The following BICC1 variants were observed in gnomAD, a reference collection of about 807,000 sequenced individuals.
The protein encoded by BICC1 is BicC family RNA binding protein 1, also known as protein bicaudal C homolog 1.
Under a neutral mutation model 111.0 loss-of-function variants are expected in BICC1, and 43 were observed. That is an observed-to-expected ratio of 0.39 (90% CI 0.30 to 0.50). The LOEUF is 0.50. Ranked by LOEUF, BICC1 falls within the 20% of genes least tolerant of loss-of-function variation. BICC1 has a pLI of 0.88. For missense variants in BICC1, 1,091 were observed against 1,203.2 expected (o/e 0.91, Z 1.38); for synonymous variants, 467 against 434.4 (o/e 1.07, Z -0.93).
intron 2 of BICC1, among the ~76,000 whole-genome samples, chr10:58,642,406 CTT>C (rs1037991204): frequency 6.6e-6 from 1 of 152,044 alleles, no homozygotes; most frequent in Non-Finnish European, 1.5e-5. Context: ...GGAAGAGTGA[CTT>C]TGGTTGGTTA....
chr10:58,775,289 A>G (rs1370376313), intron 3 of BICC1, among the ~76,000 whole-genome samples: 2 of 152,002 alleles, frequency 1.3e-5, no homozygotes, highest in Non-Finnish European at 2.9e-5. Context: ...CAGGAGATTC[A>G]CTTGAATCTG....
rs764890061 is a variant in BICC1 at position 58,702,068 on chromosome 10, T to C, written c.238-6T>C. On this transcript the variant is annotated splice_region_variant and splice_polypyrimidine_tract_variant and intron_variant, in intron 2 of 20. Transcript: ENST00000373886. ...GAGTCAATATTTCTCTCAATTTTTG[T>C]TACAGATCATGGAGGAAACAAATAC... The C allele has an allele frequency of 6.2e-7, 1 of 1,607,222 alleles. No individual in the cohort carries two copies. The highest frequency in any genetic ancestry group is 2.2e-5 in the East Asian group (1 of 44,658).
chr10:58,628,904 C>G (rs1837710110), intron 2 of BICC1, among the ~76,000 whole-genome samples: 1 of 152,128 alleles, frequency 6.6e-6, no homozygotes, highest in Non-Finnish European at 1.5e-5. Context: ...GTAAAGGCCT[C>G]CATAGATGTC....
At chr10:58,564,932 A>G (rs1843711281) in intron 1 of BICC1, among the ~76,000 whole-genome samples, 1 of 152,200 alleles carries the variant, frequency 6.6e-6, no homozygotes, top group African/African-American at 2.4e-5. Context: ...GGAATAGGAA[A>G]GAAGGAATTA....
At position 58,829,008 on chromosome 10, in the gene BICC1, G is replaced by T. The variant is rs1307132640; in HGVS notation, c.*117G>T. The T allele has an allele frequency of 1.6e-5, 20 of 1,277,846 alleles. No homozygotes were observed. The highest frequency in any genetic ancestry group is 2.2e-5 in the Non-Finnish European group (20 of 928,086). The allele number at this position is 1,277,846 out of a possible 1,614,324, so 79.2% of individuals were successfully genotyped here. On this transcript the variant is annotated 3_prime_UTR_variant, in exon 21 of 21. Coordinates refer to ENST00000373886, the MANE Select transcript of BICC1 (RefSeq NM_001080512.3). ...CTGGGTGTCTGGTATCAGGACCAAA[G>T]CATTTTATTCGCACCTGTACTTTAT...
intron 3 of BICC1, among the ~76,000 whole-genome samples, chr10:58,782,019 C>G (rs1173676109): frequency 6.6e-6 from 1 of 152,186 alleles, no homozygotes; most frequent in Non-Finnish European, 1.5e-5. Context: ...GTGACTGTCT[C>G]TGCATGCATG....
intron 3 of BICC1, among the ~76,000 whole-genome samples, chr10:58,731,208 T>A (rs1238097539): frequency 1.3e-5 from 2 of 152,158 alleles, no homozygotes; most frequent in Non-Finnish European, 2.9e-5. Flanking sequence ...CCAGGCAAGC[T>A]TTTTGCTAAA....
chr10:58,613,419 CAG>C (rs1845498921), intron 1 of BICC1, among the ~76,000 whole-genome samples: 1 of 152,164 alleles, frequency 6.6e-6, no homozygotes, highest in African/African-American at 2.4e-5. Flanking sequence ...TATTTTACCA[CAG>C]AGTGTAATCA....
At chr10:58,639,015 A>G (rs1412627206) in intron 2 of BICC1, among the ~76,000 whole-genome samples, 1 of 150,568 alleles carries the variant, frequency 6.6e-6, no homozygotes, top group African/African-American at 2.4e-5. Context: ...GTATATATGT[A>G]CATTGTGGAA....
intron 1 of BICC1, among the ~76,000 whole-genome samples, chr10:58,615,065 A>T (rs1845555248): frequency 6.6e-6 from 1 of 151,942 alleles, no homozygotes; most frequent in Non-Finnish European, 1.5e-5. Context: ...ACAGCCAAGA[A>T]TTGGCTAAGT....
chr10:58,569,752 CG>C (rs1227800707), intron 1 of BICC1, among the ~76,000 whole-genome samples: 1 of 152,096 alleles, frequency 6.6e-6, no homozygotes, highest in Non-Finnish European at 1.5e-5. Flanking sequence ...TAGTATTCCA[CG>C]GTGTATATGT....
intron 1 of BICC1, among the ~76,000 whole-genome samples, chr10:58,601,141 T>A (rs893369): frequency 0.35 from 6,751 of 19,188 alleles, 605 homozygotes; most frequent in Admixed American, 0.41. Context: ...TTTTAAAACT[T>A]ATATATATAT....
intron 6 of BICC1, 48 bp from the exon 7 acceptor site, chr10:58,789,214 G>A (rs773688268): frequency 1.3e-5 from 19 of 1,492,162 alleles, no homozygotes; most frequent in Non-Finnish European, 1.7e-5. Flanking sequence ...ATGTCTGAAT[G>A]TCTAATGCTT....
intron 20 of BICC1, among the ~76,000 whole-genome samples, chr10:58,824,470 G>A (rs1040652480): frequency 3.9e-5 from 6 of 152,248 alleles, no homozygotes; most frequent in African/African-American, 7.2e-5. Context: ...AGGGGCAGGC[G>A]TTTACATTTT....
chr10:58,719,393 C>T (rs1301884420), intron 3 of BICC1, among the ~76,000 whole-genome samples: 3 of 152,232 alleles, frequency 2.0e-5, no homozygotes, highest in Non-Finnish European at 4.4e-5. Context: ...CATCCTCACA[C>T]ATCCATCCCA....
At chr10:58,776,288 G>T (rs564039167) in intron 3 of BICC1, among the ~76,000 whole-genome samples, 1 of 152,172 alleles carries the variant, frequency 6.6e-6, no homozygotes, top group African/African-American at 2.4e-5. Context: ...TGTGTGTTAA[G>T]ATTTTTCACG....
At chr10:58,619,914 A>G (rs539292406) in intron 1 of BICC1, among the ~76,000 whole-genome samples, 68 of 152,310 alleles carry the variant, frequency 4.5e-4, no homozygotes, top group African/African-American at 1.6e-3. Context: ...GGCTGTGCTG[A>G]GGTATTACCT....
rs143284503 is a variant in BICC1, at chr10:58,775,531, G to A, written c.308-9470G>A. On this transcript the variant is annotated intron_variant, in intron 3 of 20. Transcript: ENST00000373886. ...TTATTCTTAAGAAAAATAAAGGATT[G>A]TTTTGAAGTTATTTGACAATTAAAA... Among the ~76,000 whole-genome samples, 748 of 152,242 alleles carry A rather than the reference G, an allele frequency of 4.9e-3. 13 individuals are homozygous for A. Among genetic ancestry groups the A allele is most frequent in the African/African-American group, 0.017 (704 of 41,550 alleles).
intron 1 of BICC1, among the ~76,000 whole-genome samples, chr10:58,571,525 G>A (rs1843952642): frequency 1.5e-5 from 2 of 129,734 alleles, no homozygotes; most frequent in African/African-American, 5.9e-5. Context: ...GATGTGTGTT[G>A]TTCCACCCAT....
Sources: gnomAD v4.1 joint callset for allele counts (sites outside exome capture counted in the v4.1 genomes callset) on GRCh38, gnomAD v4.1.1 for gene constraint, MANE v1.5 for transcripts, NCBI Gene and HGNC (gene_info 2026-07-23, HGNC 2026-07-21) for gene names.